Variants in MARK3 observed in about 807,000 individuals in gnomAD.
MARK3 encodes microtubule affinity regulating kinase 3.
MARK3 carries 46 observed loss-of-function variants against 90.1 expected under a neutral mutation model. The ratio of observed to expected loss-of-function variants is 0.51; its 90% CI spans 0.40 to 0.65. The LOEUF (loss-of-function observed/expected upper bound fraction) is 0.65. MARK3 is among the 30% of genes least tolerant of loss of function. The pLI is 0.00. For synonymous variants in MARK3, 321 were observed against 332.6 expected (o/e 0.97, Z 0.38); for missense variants, 818 against 947.2 (o/e 0.86, Z 1.79).
chr14:103,439,315 T>C (rs914549654), intron 3 of MARK3, among the ~76,000 whole-genome samples: 1 of 152,230 alleles, frequency 6.6e-6, no homozygotes, highest in Non-Finnish European at 1.5e-5. Context: ...TTTTGTGTTA[T>C]TATTTTCTTG....
chr14:103,500,707 C>G (rs962740599), intron 17 of MARK3, among the ~76,000 whole-genome samples: 9 of 151,640 alleles, frequency 5.9e-5, no homozygotes, highest in African/African-American at 2.2e-4. Context: ...AGGGCTTACT[C>G]GAGTTCCCAG....
At chr14:103,393,418 C>T (rs1882674895) in intron 1 of MARK3, among the ~76,000 whole-genome samples, 1 of 151,910 alleles carries the variant, frequency 6.6e-6, no homozygotes, top group South Asian at 2.1e-4. Context: ...CCAGGAGTTC[C>T]AGTCGACCTG....
chr14:103,439,869 C>T (rs2092808283), intron 3 of MARK3, among the ~76,000 whole-genome samples: 1 of 152,160 alleles, frequency 6.6e-6, no homozygotes, highest in Admixed American at 6.5e-5. Context: ...ACTGCAGCCT[C>T]TGCCTCCTGG....
At chr14:103,429,607 A>G (rs565456084) in intron 3 of MARK3, among the ~76,000 whole-genome samples, 2 of 152,182 alleles carry the variant, frequency 1.3e-5, no homozygotes, top group South Asian at 2.1e-4. Flanking sequence ...GTTCTTTGTG[A>G]TCTGCAACCC....
chr14:103,404,198 T>C (rs1432665636), intron 1 of MARK3, among the ~76,000 whole-genome samples: 3 of 152,170 alleles, frequency 2.0e-5, no homozygotes, highest in Non-Finnish European at 4.4e-5. Flanking sequence ...CAGGCTTGTT[T>C]TGATTTATAG....
chr14:103,454,803 G>C (rs1041468665), intron 5 of MARK3, among the ~76,000 whole-genome samples: 11 of 152,288 alleles, frequency 7.2e-5, no homozygotes, highest in African/African-American at 2.4e-4. Context: ...TTTGTTCTAT[G>C]CCAAGGGGTC....
intron 1 of MARK3, among the ~76,000 whole-genome samples, chr14:103,395,513 CA>C (rs1198359506): frequency 6.6e-6 from 1 of 152,164 alleles, no homozygotes; most frequent in African/African-American, 2.4e-5. Context: ...TGTTCTGCTG[CA>C]TAGTTGTCAT....
intron 5 of MARK3, among the ~76,000 whole-genome samples, chr14:103,452,514 C>T (rs1213095220): frequency 1.6e-5 from 2 of 123,050 alleles, no homozygotes; most frequent in Non-Finnish European, 3.6e-5. Flanking sequence ...CTCTGTCGCC[C>T]AGGCTGGAGT....
At chr14:103,443,743 C>T (rs902715462) in intron 3 of MARK3, among the ~76,000 whole-genome samples, 1 of 152,196 alleles carries the variant, frequency 6.6e-6, no homozygotes, top group African/African-American at 2.4e-5. Context: ...TCCAGAGATA[C>T]TCTGTATATT....
At chr14:103,500,001 G>A (rs999707905) in intron 16 of MARK3, 155 bp from the exon 17 acceptor site, 1 of 673,258 alleles carries the variant, frequency 1.5e-6, no homozygotes, top group Non-Finnish European at 2.7e-6. Flanking sequence ...AGTCAAATGA[G>A]AGGAAGAGTT....
At chr14:103,442,886 A>T (rs1242186239) in intron 3 of MARK3, among the ~76,000 whole-genome samples, 1 of 152,210 alleles carries the variant, frequency 6.6e-6, no homozygotes, top group Non-Finnish European at 1.5e-5. Flanking sequence ...AGCTAAAGGC[A>T]GAAAATAATG....
chr14:103,409,843 G>A (rs1164553176), intron 2 of MARK3, among the ~76,000 whole-genome samples: 1 of 152,106 alleles, frequency 6.6e-6, no homozygotes, highest in African/African-American at 2.4e-5. Context: ...GTGGGCATTA[G>A]GGTTGTTTCT....
intron 6 of MARK3, chr14:103,458,803 A>G (rs779589310): frequency 2.9e-6 from 2 of 688,394 alleles, no homozygotes; most frequent in Admixed American, 2.1e-5. Context: ...TTTGTAAGTG[A>G]TAGGACTTAT....
intron 2 of MARK3, among the ~76,000 whole-genome samples, chr14:103,418,120 T>G (rs1171339738): frequency 6.6e-6 from 1 of 152,042 alleles, no homozygotes; most frequent in Non-Finnish European, 1.5e-5. Context: ...AGCTCACTCT[T>G]TGATCATTTT....
chr14:103,417,079 TC>T (rs1328090227), intron 2 of MARK3, among the ~76,000 whole-genome samples: 2 of 151,834 alleles, frequency 1.3e-5, no homozygotes, highest in African/African-American at 4.8e-5. Context: ...GTGGGAAGAG[TC>T]AGCATGGCGT....
At chr14:103,397,041 ATTTAAC>A (rs1407143924) in intron 1 of MARK3, among the ~76,000 whole-genome samples, 2 of 152,222 alleles carry the variant, frequency 1.3e-5, no homozygotes, top group Non-Finnish European at 2.9e-5. Context: ...ATGGTATTTA[ATTTAAC>A]GTATTAAATA....
chr14:103,400,678 C>T (rs1034475209), intron 1 of MARK3, among the ~76,000 whole-genome samples: 2 of 151,982 alleles, frequency 1.3e-5, no homozygotes, highest in African/African-American at 2.4e-5. Context: ...AGGAGGATTG[C>T]TTGAGGCCAG....
intron 14 of MARK3, among the ~76,000 whole-genome samples, chr14:103,488,774 C>G (rs1037390718): frequency 6.6e-6 from 1 of 152,176 alleles, no homozygotes; most frequent in African/African-American, 2.4e-5. Flanking sequence ...GAGGTTGAGG[C>G]TGCAGCAAGC....
intron 6 of MARK3, among the ~76,000 whole-genome samples, chr14:103,458,413 C>T (rs779739677): frequency 2.3e-5 from 3 of 129,218 alleles, no homozygotes; most frequent in Non-Finnish European, 4.7e-5. Flanking sequence ...GAGCCAAGAC[C>T]GTACCATTGC....
Sources: gnomAD v4.1 joint callset for allele counts (sites outside exome capture counted in the v4.1 genomes callset) on GRCh38, gnomAD v4.1.1 for gene constraint, MANE v1.5 for transcripts, NCBI Gene and HGNC (gene_info 2026-07-23, HGNC 2026-07-21) for gene names.